DIP2C: variants seen among roughly 807,000 people sequenced by gnomAD.
DIP2C encodes the protein disco-interacting protein 2 homolog C.
Under a neutral mutation model 192.4 loss-of-function variants are expected in DIP2C, and 33 were observed. The observed-to-expected ratio is 0.17, with a 90% CI of 0.13 to 0.23. The LOEUF is 0.23. Among genes scored for constraint, DIP2C ranks in the 10% least tolerant of loss-of-function variants. The pLI is 1.00. For synonymous variants in DIP2C, 979 were observed against 864.1 expected, an observed-to-expected ratio of 1.13 and a Z score of -2.33; for missense variants, 1,537 against 2,110.1, an observed-to-expected ratio of 0.73 and a Z score of 5.32.
At chr10:436,259 T>C (rs1967186676) in intron 4 of DIP2C, among the ~76,000 whole-genome samples, 1 of 152,240 alleles carries the variant, frequency 6.6e-6, no homozygotes, top group African/African-American at 2.4e-5. Context: ...TTGCTTAATA[T>C]TGCACATTGT....
In DIP2C at chr10:283,319, C is replaced by G. The variant is rs751088556; in HGVS notation, c.4247G>C (p.Gly1416Ala). The change falls in exon 35 of 37, where the codon GGC (glycine) becomes GCC (alanine). Residue 1416 changes from glycine (G) to alanine (A), a missense_variant. Physicochemically the swap from Gly to Ala is moderately conservative, Grantham distance 60. Coordinates refer to ENST00000280886, the MANE Select transcript of DIP2C (RefSeq NM_014974.3). ...GDTQTIWART[G>A]YLGFLRRTEL... is the part of the protein sequence containing the mutation. ...AGTTCTCCGCAGGAACCCCAAGTAG[C>G]CTGTGCGTGCCCAGATGGTCTGGGT... 1.7e-5 allele frequency: 27 copies of G among 1,614,094 alleles called. No individual in the cohort carries two copies. Among genetic ancestry groups the G allele is most frequent in the African/African-American group, 1.3e-4 (10 of 75,038 alleles).
intron 1 of DIP2C, among the ~76,000 whole-genome samples, chr10:686,319 C>T (rs1012836059): frequency 4.6e-5 from 7 of 151,868 alleles, no homozygotes; most frequent in South Asian, 4.2e-4. Context: ...TCTCCACCTG[C>T]GGGGCCTCTC....
rs1299682757 is a variant in DIP2C at position 345,055 on chromosome 10, G to A, written c.3287C>T (p.Ser1096Phe). 3.1e-6 allele frequency: 5 copies of A among 1,613,568 alleles called. No homozygotes were observed. The highest frequency in any genetic ancestry group is 8.5e-7 in the Non-Finnish European group (1 of 1,179,968). The stretch of plus-strand genomic sequence containing the variant: ...GTCCACAGCCGCCGCCGCCTCCCTG[G>A]ACCGCAGCAACTTACAGATCAGCTG... ...TTQLICKLLR[S>F]REAAAAVDVR... The change falls in exon 27 of 37, where the codon TCC becomes TTC. Residue 1096 changes from serine (S) to phenylalanine (F), a missense_variant. Physicochemically the swap from Ser to Phe is radical, Grantham distance 155. Around this residue, in one of 4 missense-constraint regions of DIP2C, gnomAD observed 677 missense variants for 989.9 expected, o/e 0.68. Coordinates refer to ENST00000280886, the MANE Select transcript of DIP2C (RefSeq NM_014974.3).
chr10:549,490 C>T (rs1848478914), intron 1 of DIP2C, among the ~76,000 whole-genome samples: 1 of 152,144 alleles, frequency 6.6e-6, no homozygotes, highest in Admixed American at 6.5e-5. Flanking sequence ...GCTTCACCAA[C>T]ACCCCAAAAC....
At chr10:490,767 G>A (rs529286843) in intron 1 of DIP2C, among the ~76,000 whole-genome samples, 7 of 152,002 alleles carry the variant, frequency 4.6e-5, no homozygotes, top group African/African-American at 7.2e-5. Flanking sequence ...TTAAAAAAAC[G>A]CCACTTATGT....
intron 3 of DIP2C, among the ~76,000 whole-genome samples, chr10:452,296 G>A (rs1968914662): frequency 1.3e-5 from 2 of 152,178 alleles, no homozygotes. Flanking sequence ...ATGGAACAAT[G>A]TTAAGGCAAA....
intron 36 of DIP2C, 46 bp from the exon 37 acceptor site, chr10:277,623 T>C (rs1369694424): frequency 6.2e-7 from 1 of 1,601,162 alleles, no homozygotes; most frequent in Non-Finnish European, 8.5e-7. Flanking sequence ...TATTAATGCT[T>C]TATTTAATAG....
At chr10:615,277 G>A (rs558379523) in intron 1 of DIP2C, among the ~76,000 whole-genome samples, 1 of 152,302 alleles carries the variant, frequency 6.6e-6, no homozygotes, top group Non-Finnish European at 1.5e-5. Flanking sequence ...ACCGTGATTA[G>A]ACAGAAGACA....
At chr10:677,709 G>A (rs567985672) in intron 1 of DIP2C, among the ~76,000 whole-genome samples, 1 of 152,332 alleles carries the variant, frequency 6.6e-6, no homozygotes, top group East Asian at 1.9e-4. Context: ...AAGCTTATGA[G>A]AGTAGGTAAT....
At chr10:597,832 G>GTCC (rs1851806019) in intron 1 of DIP2C, among the ~76,000 whole-genome samples, 1 of 152,164 alleles carries the variant, frequency 6.6e-6, no homozygotes, top group Admixed American at 6.5e-5. Flanking sequence ...CACCCATGAG[G>GTCC]TCCTAGGGGT....
intron 1 of DIP2C, chr10:669,318 G>C (rs1045693783): frequency 1.3e-5 from 2 of 152,302 alleles, no homozygotes; most frequent in African/African-American, 2.4e-5. Context: ...CAGAAGCAAG[G>C]GGGTGCGGGG....
chr10:460,846 C>G (rs894509998), intron 3 of DIP2C, among the ~76,000 whole-genome samples: 10 of 152,202 alleles, frequency 6.6e-5, no homozygotes, highest in African/African-American at 2.4e-4. Context: ...ATCAGACTAA[C>G]AGCGGATCTC....
chr10:441,935 C>A (rs933158370), intron 3 of DIP2C, among the ~76,000 whole-genome samples: 2 of 152,136 alleles, frequency 1.3e-5, no homozygotes, highest in Non-Finnish European at 2.9e-5. Context: ...ATGGACAAGA[C>A]AGGTGACAGA....
chr10:512,975 GAGA>G (rs907839681), intron 1 of DIP2C, among the ~76,000 whole-genome samples: 4 of 150,274 alleles, frequency 2.7e-5, no homozygotes, highest in African/African-American at 9.8e-5. Flanking sequence ...TAAGGGAAGG[GAGA>G]AGAACATTCA....
chr10:511,033 G>A (rs1352819186), intron 1 of DIP2C, among the ~76,000 whole-genome samples: 7 of 152,178 alleles, frequency 4.6e-5, no homozygotes, highest in East Asian at 1.9e-4. Context: ...AAACATCGAC[G>A]TGCTTTGTTC....
chr10:593,238 T>A (rs1564242896), intron 1 of DIP2C, among the ~76,000 whole-genome samples: 1 of 152,118 alleles, frequency 6.6e-6, no homozygotes, highest in Non-Finnish European at 1.5e-5. Context: ...GGTGGTCTCA[T>A]CGTCATCTGG....
At chr10:613,559 G>T (rs1015064682) in intron 1 of DIP2C, among the ~76,000 whole-genome samples, 1 of 152,220 alleles carries the variant, frequency 6.6e-6, no homozygotes, top group African/African-American at 2.4e-5. Flanking sequence ...CTGGAAATAT[G>T]CGATTCCTTA....
At chr10:587,675 G>A (rs542187216) in intron 1 of DIP2C, among the ~76,000 whole-genome samples, 11 of 109,862 alleles carry the variant, frequency 1.0e-4, no homozygotes, top group East Asian at 2.6e-4. Flanking sequence ...CTGACCCTGC[G>A]GAAACCCCAC....
chr10:422,854 G>A lies in DIP2C; in HGVS notation c.574C>T (p.Leu192=). 7 of 1,612,774 alleles carry A rather than the reference G, an allele frequency of 4.3e-6. No individual in the cohort carries two copies. The highest frequency in any genetic ancestry group is 5.9e-6 in the Non-Finnish European group (7 of 1,179,952). Residue 192 remains leucine (L), a synonymous_variant, in exon 5 of 37, where the codon CTG becomes TTG. Coordinates refer to ENST00000280886, the MANE Select transcript of DIP2C (RefSeq NM_014974.3). ...TGGGTCTGAGCCATGACGTCCGCCA[G>A]CCTGTGGGCAGCCCCGCTGCCCCCG... ...QSGGSGAAHR[L]ADVMAQTHIE...
Sources: gnomAD v4.1 joint callset for allele counts (sites outside exome capture counted in the v4.1 genomes callset) on GRCh38, gnomAD v4.1.1 for gene constraint, gnomAD v4.1.1 regional missense constraint, MANE v1.5 for transcripts, NCBI Gene and HGNC (gene_info 2026-07-23, HGNC 2026-07-21) for gene names.